The following MIER1 variants were observed in gnomAD, a reference collection of about 807,000 sequenced individuals.
MIER1 encodes the protein MIER1 transcriptional regulator.
MIER1 carries 40 observed loss-of-function variants against 75.7 expected under a neutral mutation model. The observed-to-expected ratio is 0.53, with a 90% confidence interval of 0.41 to 0.69. The LOEUF is 0.69. Ranked by LOEUF, MIER1 falls within the 30% of genes least tolerant of loss-of-function variation. The pLI is 0.00. For synonymous variants in MIER1, 213 were observed against 223.4 expected (o/e 0.95, Z 0.42); for missense variants, 574 against 680.2 (o/e 0.84, Z 1.74).
In MIER1 at chr1:66,925,308, T is replaced by A. The variant is rs973782755; in HGVS notation, c.67+213T>A. 6.1e-6 allele frequency: 6 copies of A among 985,208 alleles called. No homozygotes were observed. The African/African-American group carries it at 7.0e-5, about 11-fold the overall frequency. 61.0% of individuals were successfully genotyped at this position (985,208 alleles called of 1,614,324 possible). On this transcript the variant is annotated intron_variant, in intron 1 of 13. Transcript: ENST00000401041. The stretch of plus-strand genomic sequence containing the variant: ...AGGCGCATGCGCAGCTTCCTCCCTC[T>A]GGCCATCGACTGCCTCCCAGCGCCG...
At position 66,987,309 on chromosome 1, in the gene MIER1, TA is replaced by T. The variant is rs1423980157; in HGVS notation, c.*2410del. 8 of 152,740 alleles carry T rather than the reference TA, an allele frequency of 5.2e-5. No homozygotes were observed. Among genetic ancestry groups the T allele is most frequent in the African/African-American group, 1.7e-4 (7 of 41,464 alleles). 9.5% of individuals were successfully genotyped at this position (152,740 alleles called of 1,614,324 possible). ...TCATGAATTTAATTTGCTTAAGATT[TA>T]GTACATTTCAGAACTTTTGAACTTT... On this transcript the variant is annotated 3_prime_UTR_variant, in exon 14 of 14. Coordinates refer to ENST00000401041, the MANE Select transcript of MIER1 (RefSeq NM_001077700.3).
At chr1:66,963,383 A>G (rs918983288) in intron 8 of MIER1, among the ~76,000 whole-genome samples, 1 of 152,190 alleles carries the variant, frequency 6.6e-6, no homozygotes, top group Non-Finnish European at 1.5e-5. Context: ...GGAAAAAGTG[A>G]ATGCTTTTTT....
rs372904082 is a variant in MIER1 at position 66,981,932 on chromosome 1, G to A, written c.1369+14G>A. On this transcript the variant is annotated intron_variant, in intron 13 of 13. Coordinates refer to ENST00000401041, the MANE Select transcript of MIER1 (RefSeq NM_001077700.3). ...CTAATCAAAATGGTAAGCAACCAGA[G>A]AAACATTTCTCTTTCTTCATAATAA... 125 of 1,612,010 alleles carry A rather than the reference G, an allele frequency of 7.8e-5. No homozygotes were observed. The highest frequency in any genetic ancestry group is 1.0e-4 in the Non-Finnish European group (123 of 1,178,772).
chr1:66,983,511 A>G (rs1462044295), intron 13 of MIER1, among the ~76,000 whole-genome samples: 1 of 152,246 alleles, frequency 6.6e-6, no homozygotes, highest in African/African-American at 2.4e-5. Flanking sequence ...ATTCCATTTT[A>G]CAGTCAACTC....
chr1:66,930,018 G>T (rs1275052521), intron 2 of MIER1, among the ~76,000 whole-genome samples: 1 of 152,172 alleles, frequency 6.6e-6, no homozygotes, highest in Non-Finnish European at 1.5e-5. Context: ...AACCCCCTCC[G>T]CCTGGAGTGG....
chr1:66,972,186 G>A (rs1663747451), intron 10 of MIER1, among the ~76,000 whole-genome samples: 1 of 144,422 alleles, frequency 6.9e-6, no homozygotes, highest in African/African-American at 2.6e-5. Context: ...TACTATATCT[G>A]GCTCCTACCC....
intron 2 of MIER1, among the ~76,000 whole-genome samples, chr1:66,928,139 A>G (rs1652257148): frequency 6.6e-6 from 1 of 152,100 alleles, no homozygotes; most frequent in Non-Finnish European, 1.5e-5. Flanking sequence ...GGGGAAGGGG[A>G]AAAATGTAGA....
chr1:66,949,686 A>G (rs1190553944), intron 4 of MIER1, among the ~76,000 whole-genome samples: 1 of 152,258 alleles, frequency 6.6e-6, no homozygotes. Flanking sequence ...TGAACCAAAC[A>G]AAATTCTTGT....
chr1:66,975,405 T>C (rs924939038), intron 11 of MIER1, among the ~76,000 whole-genome samples: 1 of 152,068 alleles, frequency 6.6e-6, no homozygotes, highest in African/African-American at 2.4e-5. Flanking sequence ...CATGCAATTG[T>C]GGTCCCAGTT....
intron 2 of MIER1, among the ~76,000 whole-genome samples, chr1:66,938,222 C>A (rs1417843421): frequency 1.3e-5 from 2 of 152,142 alleles, no homozygotes; most frequent in African/African-American, 4.8e-5. Context: ...AGGCCTTTTA[C>A]AAACTGAAAT....
At chr1:66,936,085 T>G (rs1319565420) in intron 2 of MIER1, among the ~76,000 whole-genome samples, 1 of 152,224 alleles carries the variant, frequency 6.6e-6, no homozygotes, top group Non-Finnish European at 1.5e-5. Flanking sequence ...TTGACATAAC[T>G]TTTTTCTACT....
intron 3 of MIER1, among the ~76,000 whole-genome samples, chr1:66,944,045 T>G (rs1408631828): frequency 6.6e-6 from 1 of 152,084 alleles, no homozygotes; most frequent in Non-Finnish European, 1.5e-5. Flanking sequence ...TAGGATTATT[T>G]GAAGATTAAT....
At chr1:66,983,677 T>G (rs1213305549) in intron 13 of MIER1, among the ~76,000 whole-genome samples, 3 of 152,234 alleles carry the variant, frequency 2.0e-5, no homozygotes, top group African/African-American at 7.2e-5. Context: ...GCATTAGTTT[T>G]TTAACATTAT....
chr1:66,972,197 C>T (rs997120012), intron 10 of MIER1, among the ~76,000 whole-genome samples: 1 of 146,106 alleles, frequency 6.8e-6, no homozygotes, highest in South Asian at 2.1e-4. Flanking sequence ...GCTCCTACCC[C>T]CCTTCACTAA....
chr1:66,948,752 A>T (rs1457483624), intron 4 of MIER1, among the ~76,000 whole-genome samples: 2 of 152,068 alleles, frequency 1.3e-5, no homozygotes, highest in Non-Finnish European at 2.9e-5. Flanking sequence ...TAAAAAGGTT[A>T]ATTAGGCATG....
At chr1:66,928,844 C>G (rs766894695) in intron 2 of MIER1, 1 of 1,353,566 alleles carries the variant, frequency 7.4e-7, no homozygotes. Flanking sequence ...ATTTGGGAAC[C>G]TTAAAGTTTT....
At chr1:66,972,856 G>A (rs1663978502) in intron 10 of MIER1, 41 bp from the exon 11 acceptor site, 1 of 1,009,954 alleles carries the variant, frequency 9.9e-7, no homozygotes, top group Non-Finnish European at 1.5e-6. Context: ...GCAATAATTG[G>A]GGGAATATTG....
intron 7 of MIER1, chr1:66,960,154 A>G (rs548977728): frequency 9.7e-4 from 148 of 152,636 alleles, no homozygotes; most frequent in Non-Finnish European, 1.6e-3. Context: ...TGTAAAAAGT[A>G]TCACGTATAT....
intron 8 of MIER1, among the ~76,000 whole-genome samples, chr1:66,968,211 A>G (rs1662823526): frequency 6.6e-6 from 1 of 152,152 alleles, no homozygotes; most frequent in Non-Finnish European, 1.5e-5. Flanking sequence ...TCGCTGTGGT[A>G]AAGGGGCATT....
Sources: allele counts gnomAD v4.1 joint callset (sites outside exome capture counted in the v4.1 genomes callset), GRCh38; gene constraint gnomAD v4.1.1; transcripts MANE v1.5; gene names NCBI Gene and HGNC (gene_info 2026-07-23, HGNC 2026-07-21).